The following RGSL1 variants were observed in gnomAD, a reference collection of about 807,000 sequenced individuals.
RGSL1 encodes the protein regulator of G protein signaling protein-like.
RGSL1 carries 97 observed loss-of-function variants against 124.7 expected under a neutral mutation model. The ratio of observed to expected loss-of-function variants is 0.78; its 90% CI spans 0.66 to 0.92. The LOEUF is 0.92. Ranked by LOEUF, RGSL1 falls within the 40% of genes least tolerant of loss-of-function variation. The pLI, the probability that RGSL1 is intolerant of heterozygous loss-of-function variation, is 0.00. For missense variants in RGSL1, 1,233 were observed against 1,288.4 expected, an observed-to-expected ratio of 0.96 and a Z score of 0.66; for synonymous variants, 424 against 438.1, an observed-to-expected ratio of 0.97 and a Z score of 0.40.
intron 11 of RGSL1, 44 bp from the exon 12 acceptor site, chr1:182,530,200 G>T: frequency 7.2e-7 from 1 of 1,393,564 alleles, no homozygotes; most frequent in Non-Finnish European, 9.8e-7. Context: ...TCTCAGAAAT[G>T]GTAGATGAGG....
intron 9 of RGSL1, among the ~76,000 whole-genome samples, chr1:182,520,235 A>G (rs1440871430): frequency 1.3e-5 from 2 of 152,174 alleles, no homozygotes; most frequent in Non-Finnish European, 2.9e-5. Context: ...AGTTGTTTCA[A>G]AGCTAGTTCT....
At chr1:182,550,890 G>C in intron 17 of RGSL1, 1 of 558,120 alleles carries the variant, frequency 1.8e-6, no homozygotes, top group Non-Finnish European at 3.2e-6. Context: ...GCCCATGCCA[G>C]GCCCGCGCTG....
At chr1:182,448,866 T>C (rs1651628637), upstream of RGSL1, among the ~76,000 whole-genome samples, 1 of 152,154 alleles carries the variant, frequency 6.6e-6, no homozygotes, top group South Asian at 2.1e-4. Context: ...CTTTTTGAAC[T>C]GTGGGAAAGA....
intron 9 of RGSL1, among the ~76,000 whole-genome samples, chr1:182,502,121 T>A (rs1656432138): frequency 6.6e-6 from 1 of 152,244 alleles, no homozygotes; most frequent in South Asian, 2.1e-4. Context: ...TTTCCCTTTT[T>A]TTCTCGATAA....
chr1:182,462,150 A>G (rs552867634), intron 4 of RGSL1, among the ~76,000 whole-genome samples: 6 of 152,336 alleles, frequency 3.9e-5, no homozygotes, highest in African/African-American at 9.6e-5. Context: ...AAGGATATTC[A>G]TAAGATTATA....
chr1:182,534,412 T>C (rs570023962), intron 14 of RGSL1, among the ~76,000 whole-genome samples: 24 of 152,362 alleles, frequency 1.6e-4, no homozygotes, highest in African/African-American at 5.8e-4. Context: ...GTATTCTTTC[T>C]TGAATGTTTA....
At chr1:182,539,934 T>C (rs552994722) in intron 14 of RGSL1, among the ~76,000 whole-genome samples, 1 of 152,250 alleles carries the variant, frequency 6.6e-6, no homozygotes, top group Non-Finnish European at 1.5e-5. Context: ...ATTTGGAAGG[T>C]CACATCTCGT....
intron 9 of RGSL1, among the ~76,000 whole-genome samples, chr1:182,498,864 C>G (rs1400217814): frequency 6.6e-6 from 1 of 150,514 alleles, no homozygotes; most frequent in Non-Finnish European, 1.5e-5. Flanking sequence ...ACGATCTTGG[C>G]TCACTGCAAC....
At chr1:182,550,619 C>G (rs1451413833) in intron 17 of RGSL1, 1 of 154,858 alleles carries the variant, frequency 6.5e-6, no homozygotes, top group African/African-American at 2.4e-5. Context: ...ACAAGAGAAA[C>G]CAGGTCTATT....
chr1:182,527,408 C>G (rs909364303), intron 10 of RGSL1, among the ~76,000 whole-genome samples, 171 bp from the exon 11 acceptor site: 1 of 152,148 alleles, frequency 6.6e-6, no homozygotes, highest in African/African-American at 2.4e-5. Context: ...CATAAAAGTT[C>G]AAGTTAATCA....
intron 6 of RGSL1, among the ~76,000 whole-genome samples, 172 bp from the exon 7 acceptor site, chr1:182,488,113 G>A (rs925713523): frequency 2.0e-5 from 3 of 152,230 alleles, no homozygotes; most frequent in Non-Finnish European, 4.4e-5. Context: ...TCTATTCAGA[G>A]ATAAAAGAAT....
intron 4 of RGSL1, among the ~76,000 whole-genome samples, chr1:182,464,223 T>A (rs1653083787): frequency 6.6e-6 from 1 of 152,200 alleles, no homozygotes; most frequent in Non-Finnish European, 1.5e-5. Context: ...TAGCTATGTT[T>A]ACATTTTAAA....
intron 4 of RGSL1, chr1:182,471,213 T>A (rs980200067): frequency 2.2e-6 from 1 of 455,242 alleles, no homozygotes; most frequent in Non-Finnish European, 4.4e-6. Context: ...TCTGGCAGTG[T>A]GCAAGGCTGG....
intron 3 of RGSL1, among the ~76,000 whole-genome samples, chr1:182,458,801 G>C (rs1313367931): frequency 6.6e-6 from 1 of 152,164 alleles, no homozygotes; most frequent in East Asian, 1.9e-4. Flanking sequence ...TGTGAATTGG[G>C]AGAGGGAGAA....
rs1655631847 is a variant in RGSL1 at position 182,492,832 on chromosome 1, T to C, written c.1718-190T>C. The C allele has an allele frequency of 4.1e-5, 23 of 555,072 alleles. No homozygotes were observed. The South Asian group carries it at 4.3e-4, about 10-fold the overall frequency. 34.4% of individuals were successfully genotyped at this position (555,072 alleles called of 1,614,324 possible). Reference sequence around the variant, plus strand: ...TTTTAGTAGAGACAGGGTTTCACCATGTTAGTCAGGATGGTCTCAATCTCC... The same window carrying C: ...TTTTAGTAGAGACAGGGTTTCACCACGTTAGTCAGGATGGTCTCAATCTCC... On this transcript the variant is annotated intron_variant, in intron 8 of 21. Coordinates refer to ENST00000294854, the MANE Select transcript of RGSL1 (RefSeq NM_001137669.2).
At chr1:182,460,673 C>G (rs1652751792) in intron 4 of RGSL1, 2 of 455,870 alleles carry the variant, frequency 4.4e-6, no homozygotes, top group Non-Finnish European at 4.4e-6. Context: ...GCTGGAGGGA[C>G]TCCCAGGAAG....
chr1:182,496,904 TA>T (rs1655956599), intron 9 of RGSL1, among the ~76,000 whole-genome samples: 1 of 152,000 alleles, frequency 6.6e-6, no homozygotes, highest in Non-Finnish European at 1.5e-5. Context: ...TTTACTGATA[TA>T]GTGGACCCTT....
At chr1:182,469,919 C>T (rs1653684153) in intron 4 of RGSL1, among the ~76,000 whole-genome samples, 1 of 151,972 alleles carries the variant, frequency 6.6e-6, no homozygotes, top group African/African-American at 2.4e-5. Context: ...AAGACAAATA[C>T]TGTATGATTT....
At position 182,474,162 on chromosome 1, in the gene RGSL1, C is replaced by A; in HGVS notation, c.1051C>A (p.His351Asn). Residue 351 changes from histidine (H) to asparagine (N), a missense_variant, in exon 6 of 22, where the codon CAC (histidine) becomes AAC (asparagine). Transcript: ENST00000294854. ...GAGGACTGTCATCCCCATTGTCAAT[C>A]ACTCCTCCAAGATGACAATTCAGAA... ...HLRTVIPIVNHSSKMTIQKAI... is the reference protein window; with the variant it reads ...HLRTVIPIVNNSSKMTIQKAI... 6.4e-7 allele frequency: 1 copy of A among 1,552,064 alleles called. No homozygotes were observed. The highest frequency in any genetic ancestry group is 8.7e-7 in the Non-Finnish European group (1 of 1,147,062).
Sources: allele counts gnomAD v4.1 joint callset (sites outside exome capture counted in the v4.1 genomes callset), GRCh38; gene constraint gnomAD v4.1.1; transcripts MANE v1.5; gene names NCBI Gene and HGNC (gene_info 2026-07-23, HGNC 2026-07-21).